LVRN: variants seen among roughly 807,000 people sequenced by gnomAD.
The protein encoded by LVRN is aminopeptidase Q.
In LVRN, 99 loss-of-function variants were observed where a neutral mutation model predicts 111.4. That is an observed-to-expected ratio of 0.89 (90% CI 0.76 to 1.05). The LOEUF (loss-of-function observed/expected upper bound fraction) is 1.05. Among genes scored for constraint, LVRN ranks in the 50% least tolerant of loss-of-function variants. The probability of loss-of-function intolerance (pLI) is 0.00; values close to 1 mark genes in which losing one functional copy is unlikely to be tolerated. For missense variants in LVRN, 1,414 were observed against 1,206.8 expected, an observed-to-expected ratio of 1.17 and a Z score of -2.54; for synonymous variants, 488 against 449.5, an observed-to-expected ratio of 1.09 and a Z score of -1.08.
Position 116,010,911 on chromosome 5 carries a change from T to C in LVRN, c.2247+17T>C. 6.6e-7 allele frequency: 1 copy of C among 1,516,938 alleles called. No individual in the cohort carries two copies. The highest frequency in any genetic ancestry group is 8.8e-7 in the Non-Finnish European group (1 of 1,132,992). The allele number at this position is 1,516,938 out of a possible 1,614,324, so 94.0% of individuals were successfully genotyped here. ...TTATTAAAGGTAATTTCATTCTTTC[T>C]TATGTAGTTTTTAAATAAATCCTCT... On this transcript the variant is annotated intron_variant, in intron 14 of 19. Transcript: ENST00000357872.
chr5:115,973,485 T>C (rs1753371597), intron 1 of LVRN, among the ~76,000 whole-genome samples: 1 of 152,212 alleles, frequency 6.6e-6, no homozygotes, highest in Non-Finnish European at 1.5e-5. Context: ...TTGGTAATAT[T>C]TCTTCTTTAA....
chr5:116,008,186 C>CAA (rs577281123), intron 13 of LVRN, among the ~76,000 whole-genome samples: 1 of 151,414 alleles, frequency 6.6e-6, no homozygotes, highest in African/African-American at 2.4e-5. Flanking sequence ...ACTAAAAATA[C>CAA]AAAAAAAATC....
At chr5:115,981,807 A>G (rs1753565881) in intron 1 of LVRN, among the ~76,000 whole-genome samples, 1 of 152,138 alleles carries the variant, frequency 6.6e-6, no homozygotes, top group Non-Finnish European at 1.5e-5. Context: ...TCCCTCTTTG[A>G]GTTCTTCTAT....
At chr5:115,983,913 G>A (rs901699655) in intron 2 of LVRN, among the ~76,000 whole-genome samples, 7 of 152,164 alleles carry the variant, frequency 4.6e-5, no homozygotes, top group Non-Finnish European at 8.8e-5. Flanking sequence ...CATTTGAGAA[G>A]AGCCTTTAAG....
chr5:115,974,941 T>C (rs1042214447), intron 1 of LVRN: 3 of 459,046 alleles, frequency 6.5e-6, no homozygotes, highest in Non-Finnish European at 8.8e-6. Flanking sequence ...GGTCACTTGA[T>C]AAATGATCTG....
intron 18 of LVRN, among the ~76,000 whole-genome samples, chr5:116,019,740 G>T (rs932630193): frequency 2.0e-5 from 3 of 152,168 alleles, no homozygotes; most frequent in Non-Finnish European, 2.9e-5. Flanking sequence ...CCCATAAGGT[G>T]GTATCTTGCT....
Position 115,999,829 on chromosome 5 carries a change from C to T in LVRN, c.1442C>T (p.Ala481Val). The change falls in exon 7 of 20, where the codon GCT (alanine) becomes GTT (valine). Residue 481 changes from alanine (A) to valine (V), a missense_variant. Ala to Val is a moderately conservative substitution (Grantham distance 64). Coordinates refer to ENST00000357872, the MANE Select transcript of LVRN (RefSeq NM_173800.5). ...GAAGATCACGCCCTGGTGACTAGAG[C>T]TGTGGCCATGAAGGTGGAAAATTTC... ...LREDHALVTRAVAMKVENFKT... is the reference protein window; with the variant it reads ...LREDHALVTRVVAMKVENFKT... 6.2e-7 allele frequency: 1 copy of T among 1,613,324 alleles called. No individual in the cohort carries two copies. Among genetic ancestry groups the T allele is most frequent in the Non-Finnish European group, 8.5e-7 (1 of 1,179,434 alleles).
At chr5:115,973,047 G>A (rs2112556823) in intron 1 of LVRN, among the ~76,000 whole-genome samples, 1 of 151,982 alleles carries the variant, frequency 6.6e-6, no homozygotes, top group Non-Finnish European at 1.5e-5. Context: ...TCCCACCTCA[G>A]CCTCCTGAGT....
intron 18 of LVRN, among the ~76,000 whole-genome samples, chr5:116,016,301 T>C (rs1368228424): frequency 3.3e-5 from 5 of 152,256 alleles, no homozygotes; most frequent in Non-Finnish European, 7.3e-5. Context: ...CTTAGTTCTT[T>C]ATACATCTGA....
chr5:116,006,896 C>G (rs1476135226), intron 13 of LVRN, among the ~76,000 whole-genome samples: 2 of 152,172 alleles, frequency 1.3e-5, no homozygotes, highest in Non-Finnish European at 2.9e-5. Flanking sequence ...ATTTTTGTCT[C>G]CACCTTGCTC....
chr5:116,016,701 A>G (rs1748607818), intron 18 of LVRN, among the ~76,000 whole-genome samples: 1 of 152,190 alleles, frequency 6.6e-6, no homozygotes, highest in South Asian at 2.1e-4. Context: ...TTTTCCATAC[A>G]GTTTGACTAC....
chr5:116,014,665 A>T, intron 16 of LVRN, 138 bp downstream of exon 16: 1 of 685,578 alleles, frequency 1.5e-6, no homozygotes, highest in South Asian at 1.7e-5. Context: ...CTTTTCAAAT[A>T]CCTTTTTTAA....
At chr5:116,019,314 A>G (rs968907626) in intron 18 of LVRN, among the ~76,000 whole-genome samples, 2 of 152,198 alleles carry the variant, frequency 1.3e-5, no homozygotes, top group African/African-American at 4.8e-5. Flanking sequence ...CTCCTTTTTA[A>G]TCTTGTAGGA....
At chr5:115,981,972 C>A (rs1357962940) in intron 1 of LVRN, among the ~76,000 whole-genome samples, 1 of 152,022 alleles carries the variant, frequency 6.6e-6, no homozygotes. Context: ...GAAACTGGGG[C>A]TTAACAAGAT....
intron 13 of LVRN, among the ~76,000 whole-genome samples, chr5:116,007,658 T>C (rs919868794): frequency 1.3e-5 from 2 of 152,220 alleles, no homozygotes; most frequent in South Asian, 2.1e-4. Context: ...CAGTGTCATA[T>C]GTACTACAGG....
chr5:115,967,129 A>G (rs1753220381), intron 1 of LVRN, among the ~76,000 whole-genome samples: 1 of 152,162 alleles, frequency 6.6e-6, no homozygotes, highest in South Asian at 2.1e-4. Context: ...TCAGAGAATA[A>G]AAGTTTTAAA....
chr5:115,994,116 A>T (rs191452888), intron 6 of LVRN, among the ~76,000 whole-genome samples: 8 of 152,030 alleles, frequency 5.3e-5, no homozygotes, highest in Admixed American at 3.9e-4. Context: ...ATTTCTACAT[A>T]TTCATATTTC....
chr5:115,983,529 T>TACACC, intron 2 of LVRN, 100 bp downstream of exon 2: 1 of 1,314,006 alleles, frequency 7.6e-7, no homozygotes, highest in Non-Finnish European at 1.0e-6. Context: ...TATGGTGTAT[T>TACACC]ATAATTACAG....
intron 1 of LVRN, among the ~76,000 whole-genome samples, chr5:115,973,410 T>C (rs1400007900): frequency 1.3e-5 from 2 of 152,248 alleles, no homozygotes; most frequent in Non-Finnish European, 2.9e-5. Flanking sequence ...AAAGTAACAC[T>C]GGCTTCAAAT....
Sources: allele counts gnomAD v4.1 joint callset (sites outside exome capture counted in the v4.1 genomes callset), GRCh38; gene constraint gnomAD v4.1.1; transcripts MANE v1.5; gene names NCBI Gene and HGNC (gene_info 2026-07-23, HGNC 2026-07-21).